The following MCC variants were observed in gnomAD, a reference collection of about 807,000 sequenced individuals.
MCC encodes the protein colorectal mutant cancer protein.
MCC carries 90 observed loss-of-function variants against 116.2 expected under a neutral mutation model. That is an observed-to-expected ratio of 0.77 (90% CI 0.65 to 0.92). MCC has a LOEUF of 0.92. Ranked by LOEUF, MCC falls within the 40% of genes least tolerant of loss-of-function variation. The pLI is 0.00. For synonymous variants in MCC, 578 were observed against 510.5 expected, an observed-to-expected ratio of 1.13 and a Z score of -1.78; for missense variants, 1,516 against 1,312.2, an observed-to-expected ratio of 1.16 and a Z score of -2.40.
chr5:113,325,361 A>G (rs1198991126), intron 3 of MCC, among the ~76,000 whole-genome samples: 3 of 152,170 alleles, frequency 2.0e-5, no homozygotes, highest in Admixed American at 1.3e-4. Context: ...TTCAACCTCA[A>G]AACAAAACCC....
At chr5:113,044,458 T>C (rs1410558287) in intron 16 of MCC, 1 of 980,426 alleles carries the variant, frequency 1.0e-6, no homozygotes, top group Non-Finnish European at 1.2e-6. Flanking sequence ...CATAGTACCA[T>C]GGCTGGGGGA....
At chr5:113,368,713 A>C (rs1768764107) in intron 2 of MCC, among the ~76,000 whole-genome samples, 2 of 152,076 alleles carry the variant, frequency 1.3e-5, no homozygotes, top group African/African-American at 2.4e-5. Flanking sequence ...ACCAACAAGC[A>C]AGGAATCAGT....
intron 1 of MCC, among the ~76,000 whole-genome samples, chr5:113,390,912 T>C (rs756579590): frequency 1.1e-4 from 17 of 152,214 alleles, no homozygotes; most frequent in Non-Finnish European, 2.4e-4. Context: ...AAATCTTCAA[T>C]TTGAGTCACA....
At chr5:113,325,463 C>T (rs1767530142) in intron 3 of MCC, among the ~76,000 whole-genome samples, 1 of 144,204 alleles carries the variant, frequency 6.9e-6, no homozygotes. Context: ...TTAAATCTAA[C>T]TTTGAAATAG....
At chr5:113,282,872 C>T (rs537040920) in intron 3 of MCC, among the ~76,000 whole-genome samples, 3 of 152,326 alleles carry the variant, frequency 2.0e-5, no homozygotes, top group South Asian at 2.1e-4. Flanking sequence ...GACTTCCTGG[C>T]TGCTTTCCAC....
At chr5:113,108,028 C>T (rs1300112514) in intron 6 of MCC, among the ~76,000 whole-genome samples, 3 of 152,160 alleles carry the variant, frequency 2.0e-5, no homozygotes, top group Non-Finnish European at 4.4e-5. Context: ...CACCTCTCTG[C>T]TGCCCACCAC....
chr5:113,064,065 T>A lies in MCC; in HGVS notation c.2132A>T (p.Asp711Val). 2 of 1,614,188 alleles carry A rather than the reference T, an allele frequency of 1.2e-6. No individual in the cohort carries two copies. Among genetic ancestry groups the A allele is most frequent in the Non-Finnish European group, 8.5e-7 (1 of 1,180,022 alleles). ...NAAKALLMKL[D>V]GSCGGAFAVA... ...GGCAAAGGCTCCCCCACAGCTGCCG[T>A]CCAGCTTCATGAGCAGGGCCTTGGC... The change falls in exon 14 of 19, where the codon GAC (aspartate) becomes GTC (valine). Residue 711 changes from aspartate (D) to valine (V), a missense_variant. By Grantham distance (152) the Asp-to-Val change is radical. Transcript: ENST00000408903.
At chr5:113,248,233 T>C (rs1280446570) in intron 3 of MCC, among the ~76,000 whole-genome samples, 2 of 107,740 alleles carry the variant, frequency 1.9e-5, no homozygotes, top group South Asian at 2.6e-4. Flanking sequence ...CTTGTATCTA[T>C]TTAAAAAAAA....
At chr5:113,326,260 C>T (rs1358182333) in intron 3 of MCC, among the ~76,000 whole-genome samples, 1 of 152,178 alleles carries the variant, frequency 6.6e-6, no homozygotes, top group Non-Finnish European at 1.5e-5. Context: ...GGACACATAA[C>T]ATAAATCATT....
intron 3 of MCC, among the ~76,000 whole-genome samples, chr5:113,285,093 G>T (rs1411781899): frequency 3.3e-5 from 5 of 151,986 alleles, no homozygotes; most frequent in African/African-American, 1.2e-4. Flanking sequence ...ATACACTGAA[G>T]ATGTCAAAAA....
chr5:113,241,831 T>C (rs1472713334), intron 3 of MCC, among the ~76,000 whole-genome samples: 7 of 152,260 alleles, frequency 4.6e-5, no homozygotes, highest in Admixed American at 4.6e-4. Context: ...ACAAGTCTTC[T>C]CTGGAAAAAC....
At chr5:113,261,385 A>G (rs1166392774) in intron 3 of MCC, among the ~76,000 whole-genome samples, 3 of 152,206 alleles carry the variant, frequency 2.0e-5, no homozygotes, top group Non-Finnish European at 2.9e-5. Context: ...AAATGCTCAT[A>G]ATATAATGTT....
intron 3 of MCC, among the ~76,000 whole-genome samples, chr5:113,163,567 C>T (rs1025280597): frequency 2.0e-5 from 3 of 151,964 alleles, no homozygotes; most frequent in Non-Finnish European, 2.9e-5. Context: ...GACTCACTGC[C>T]CCCATAAAAT....
Position 113,350,226 on chromosome 5 carries a change from A to T in MCC, c.416-9496T>A, listed in dbSNP as rs188102512. Among the ~76,000 whole-genome samples the T allele has an allele frequency of 2.7e-4, 41 of 152,192 alleles. No individual in the cohort carries two copies. The East Asian group carries it at 7.3e-3, about 27-fold the overall frequency. ...ATACGTGAAACCACAAAAGACCCAG[A>T]ACAGCCAAAGCTATCCTGAGGAGCA... On this transcript the variant is annotated intron_variant, in intron 2 of 18. Coordinates refer to ENST00000408903, the MANE Select transcript of MCC (RefSeq NM_001085377.2).
intron 3 of MCC, among the ~76,000 whole-genome samples, chr5:113,334,590 A>ATTTTTTT (rs58288026): frequency 8.3e-6 from 1 of 120,886 alleles, no homozygotes; most frequent in African/African-American, 3.4e-5. Flanking sequence ...CTGATTTCTG[A>ATTTTTTT]TTTTTTTTTT....
At chr5:113,079,686 A>T (rs1393363111) in intron 11 of MCC, among the ~76,000 whole-genome samples, 2 of 152,256 alleles carry the variant, frequency 1.3e-5, no homozygotes, top group Admixed American at 6.5e-5. Context: ...TAAATGTTAG[A>T]CCTAAAACCG....
chr5:113,435,126 A>G, intron 1 of MCC: 6 of 404,168 alleles, frequency 1.5e-5, no homozygotes, highest in Middle Eastern at 6.7e-4. Context: ...TGGAGCAGAC[A>G]AGATGAGCAG....
chr5:113,053,793 G>C lies in MCC; in HGVS notation c.2380C>G (p.Pro794Ala). Reference sequence around the variant, plus strand: ...TCCAGCCTCTGGCTGTCTCCCCGAGGCTTGACGTCATAGCTGAGAGGATCG... The same window carrying C: ...TCCAGCCTCTGGCTGTCTCCCCGAGCCTTGACGTCATAGCTGAGAGGATCG... ...HIDPLSYDVKPRGDSQRLDLE... is the reference protein window; with the variant it reads ...HIDPLSYDVKARGDSQRLDLE... Residue 794 changes from proline (P) to alanine (A), a missense_variant, in exon 15 of 19, where the codon CCT (proline) becomes GCT (alanine). Physicochemically the swap from Pro to Ala is conservative, Grantham distance 27 (BLOSUM62 -1). Coordinates refer to ENST00000408903, the MANE Select transcript of MCC (RefSeq NM_001085377.2). 6.2e-7 allele frequency: 1 copy of C among 1,614,110 alleles called. No individual in the cohort carries two copies. Among genetic ancestry groups the C allele is most frequent in the Non-Finnish European group, 8.5e-7 (1 of 1,179,988 alleles).
At chr5:113,101,662 C>T in intron 8 of MCC, 77 bp downstream of exon 8, 2 of 1,423,750 alleles carry the variant, frequency 1.4e-6, no homozygotes, top group Non-Finnish European at 2.0e-6. Context: ...TCTCACGGTG[C>T]CCCTGGTGCT....
Sources: gnomAD v4.1 joint callset for allele counts (sites outside exome capture counted in the v4.1 genomes callset) on GRCh38, gnomAD v4.1.1 for gene constraint, MANE v1.5 for transcripts, NCBI Gene and HGNC (gene_info 2026-07-23, HGNC 2026-07-21) for gene names.